Variants in ANO7 observed in about 807,000 individuals in gnomAD.
ANO7 encodes the protein anoctamin 7.
In ANO7, 114 loss-of-function variants were observed where a neutral mutation model predicts 115.8. The ratio of observed to expected loss-of-function variants is 0.98; its 90% CI spans 0.85 to 1.15. ANO7 has a LOEUF of 1.15. ANO7 is among the 50% of genes most tolerant of loss of function. ANO7 has a pLI of 0.00. For synonymous variants in ANO7, 550 were observed against 498.2 expected (o/e 1.10, Z -1.38); for missense variants, 1,302 against 1,201.2 (o/e 1.08, Z -1.24).
At chr2:241,220,619 G>A (rs924637077) in intron 21 of ANO7, among the ~76,000 whole-genome samples, 1 of 152,208 alleles carries the variant, frequency 6.6e-6, no homozygotes, top group South Asian at 2.1e-4. Context: ...GGTTAACACC[G>A]TGAAACCCCA....
chr2:241,196,155 T>C, intron 4 of ANO7: 7 of 1,312,560 alleles, frequency 5.3e-6, no homozygotes, highest in Non-Finnish European at 5.8e-6. Context: ...ATTAAAGCTT[T>C]TGGGTAGGCG....
At chr2:241,219,941 G>T (rs931624953) in intron 21 of ANO7, among the ~76,000 whole-genome samples, 1 of 152,074 alleles carries the variant, frequency 6.6e-6, no homozygotes, top group Non-Finnish European at 1.5e-5. Context: ...TCCTCTCTCT[G>T]TGTATGACTA....
intron 3 of ANO7, 76 bp from the exon 4 acceptor site, chr2:241,195,627 G>C: frequency 6.9e-7 from 1 of 1,459,414 alleles, no homozygotes; most frequent in Non-Finnish European, 9.4e-7. Flanking sequence ...GTCCCGGCTG[G>C]GATGCTGGCA....
At chr2:241,196,947 G>A (rs2068350989) in intron 4 of ANO7, among the ~76,000 whole-genome samples, 1 of 151,942 alleles carries the variant, frequency 6.6e-6, no homozygotes, top group Non-Finnish European at 1.5e-5. Flanking sequence ...TGTGCATATG[G>A]CCAACCACTC....
At position 241,200,896 on chromosome 2, in the gene ANO7, G is replaced by A. The variant is rs938993643; in HGVS notation, c.555-402G>A. Among the ~76,000 whole-genome samples the A allele has an allele frequency of 7.2e-5, 11 of 152,310 alleles. No individual in the cohort carries two copies. In the East Asian group the frequency reaches 1.4e-3, roughly 19 times the overall value. On this transcript the variant is annotated intron_variant, in intron 6 of 24. Coordinates refer to ENST00000674324, the MANE Select transcript of ANO7 (RefSeq NM_001370694.2). Reference sequence around the variant, plus strand: ...CCCAGTCACTGTCCGCACTGCCCACGAGCACCCTCGGCCCCATGACGGAGC... The same window carrying A: ...CCCAGTCACTGTCCGCACTGCCCACAAGCACCCTCGGCCCCATGACGGAGC...
Position 241,214,828 on chromosome 2 carries a change from C to T in ANO7, c.1752C>T (p.Ile584=), listed in dbSNP as rs200488021. 35 of 1,612,344 alleles carry T rather than the reference C, an allele frequency of 2.2e-5. No individual in the cohort carries two copies. Among genetic ancestry groups the T allele is most frequent in the Non-Finnish European group, 2.5e-5 (30 of 1,179,946 alleles). ...NEECAAGGCL[I]ELAQELLVIM... is the part of the protein sequence containing the mutation. ...AGTGCGCGGCTGGAGGCTGCCTGAT[C>T]GAGCTGGCACAGGAGCTCCTGGTCA... The change falls in exon 18 of 25, where the codon ATC becomes ATT. Residue 584 remains isoleucine, a synonymous_variant. Coordinates refer to ENST00000674324, the MANE Select transcript of ANO7 (RefSeq NM_001370694.2).
chr2:241,194,179 A>ATTT (rs59855055), intron 3 of ANO7, among the ~76,000 whole-genome samples: 41 of 123,972 alleles, frequency 3.3e-4, no homozygotes, highest in African/African-American at 9.6e-4. Flanking sequence ...CTGGCCTTTA[A>ATTT]TTTTTTTTTT....
chr2:241,191,144 G>A (rs773557332), intron 2 of ANO7, 50 bp from the exon 3 acceptor site: 46 of 1,608,332 alleles, frequency 2.9e-5, no homozygotes, highest in Admixed American at 1.3e-4. Flanking sequence ...TGTAGTTGTC[G>A]AGGGCAGATG....
chr2:241,203,422 G>A lies in ANO7; in HGVS notation c.813G>A (p.Lys271=), dbSNP rs763096414. 1.9e-6 allele frequency: 3 copies of A among 1,596,038 alleles called. No individual in the cohort carries two copies. Among genetic ancestry groups the A allele is most frequent in the African/African-American group, 2.7e-5 (2 of 73,910 alleles). The change falls in exon 9 of 25, where the codon AAG becomes AAA. Residue 271 remains lysine, a synonymous_variant. Transcript: ENST00000674324. This position sits in a 1 kb window ranked among gnomAD's most constrained non-coding sequence, Gnocchi z 4.8. ...VLFQHWARWG[K]WNKYQPLDHV... ...TCCAGCACTGGGCGCGCTGGGGCAA[G>A]TGGAACAAGTACCAGCCCCTGGACC...
intron 21 of ANO7, among the ~76,000 whole-genome samples, chr2:241,221,514 C>T (rs925412104): frequency 4.6e-5 from 7 of 151,652 alleles, no homozygotes; most frequent in South Asian, 2.1e-4. Flanking sequence ...GGATTACAGG[C>T]GTGCGCTACC....
In ANO7 at chr2:241,216,257, C is replaced by T. The variant is rs1170549529; in HGVS notation, c.1972+19C>T. 1.9e-6 allele frequency: 3 copies of T among 1,565,706 alleles called. No individual in the cohort carries two copies. The highest frequency in any genetic ancestry group is 2.6e-6 in the Non-Finnish European group (3 of 1,157,670). On this transcript the variant is annotated intron_variant, in intron 19 of 24. Coordinates refer to ENST00000674324, the MANE Select transcript of ANO7 (RefSeq NM_001370694.2). Reference sequence around the variant, plus strand: ...GAAATGGGTAGGAGCCCGTTAGCAGCTGCGGCAATGGCTGGCGCCGTGGGC... The same window carrying T: ...GAAATGGGTAGGAGCCCGTTAGCAGTTGCGGCAATGGCTGGCGCCGTGGGC...
intron 1 of ANO7, among the ~76,000 whole-genome samples, chr2:241,189,631 G>C (rs1341061949): frequency 6.6e-6 from 1 of 152,134 alleles, no homozygotes; most frequent in African/African-American, 2.4e-5. Context: ...AGCGAAGGCA[G>C]GCGACTTGAG....
intron 15 of ANO7, among the ~76,000 whole-genome samples, chr2:241,211,707 G>A (rs956717654): frequency 2.0e-5 from 3 of 151,998 alleles, no homozygotes; most frequent in Non-Finnish European, 4.4e-5. Flanking sequence ...GTTGCTGTGG[G>A]GTGTTGAGCC....
intron 21 of ANO7, 52 bp from the exon 22 acceptor site, chr2:241,223,134 C>A: frequency 6.5e-7 from 1 of 1,533,158 alleles, no homozygotes; most frequent in Admixed American, 1.7e-5. Flanking sequence ...AGGCACCTGC[C>A]CAGCCAACAC....
At chr2:241,234,032 C>T in the ANO7 span, 1 of 1,563,574 alleles carries the variant, frequency 6.4e-7, no homozygotes. Flanking sequence ...ATTCCCCTTC[C>T]ACCCTGGTCA....
In ANO7 at chr2:241,188,953, T is replaced by C. The variant is rs1215064960; in HGVS notation, c.-8+187T>C. Among the ~76,000 whole-genome samples, 1 of 152,180 alleles carries C rather than the reference T, an allele frequency of 6.6e-6. No individual in the cohort carries two copies. The highest frequency in any genetic ancestry group is 2.4e-5 in the African/African-American group (1 of 41,440). Reference sequence around the variant, plus strand: ...AGGAGGGACACACACTCAGTGCGGCTCTGGACGGGGTACACCCAGCTGGGG... The same window carrying C: ...AGGAGGGACACACACTCAGTGCGGCCCTGGACGGGGTACACCCAGCTGGGG... On this transcript the variant is annotated intron_variant, in intron 1 of 24. Transcript: ENST00000674324. The surrounding 1 kb of genome is among the most constrained non-coding windows in gnomAD (Gnocchi z 4.3).
At chr2:241,208,877 C>T (rs913645803) in intron 11 of ANO7, among the ~76,000 whole-genome samples, 34 of 152,266 alleles carry the variant, frequency 2.2e-4, no homozygotes, top group East Asian at 1.4e-3. Context: ...GGGCTGGGCA[C>T]GGTGGCTCAC....
In ANO7 at chr2:241,225,605, C is replaced by T. The variant is rs187798194; in HGVS notation, c.*1452C>T. Among the ~76,000 whole-genome samples the T allele has an allele frequency of 6.6e-6, 1 of 152,326 alleles. No homozygotes were observed. Among genetic ancestry groups the T allele is most frequent in the Non-Finnish European group, 1.5e-5 (1 of 68,022 alleles). The stretch of plus-strand genomic sequence containing the variant: ...GCCAAACTTACTCCACAGAAAAGGC[C>T]TCTTTCTGAACATCCTCGCCTGCGT... On this transcript the variant is annotated 3_prime_UTR_variant, in exon 25 of 25. Coordinates refer to ENST00000674324, the MANE Select transcript of ANO7 (RefSeq NM_001370694.2).
chr2:241,196,174 G>A (rs555043562), intron 4 of ANO7: 3 of 1,269,192 alleles, frequency 2.4e-6, no homozygotes, highest in East Asian at 6.8e-5. Flanking sequence ...CGTGTCATTT[G>A]TGTTTATGAC....
Sources: allele counts gnomAD v4.1 joint callset (sites outside exome capture counted in the v4.1 genomes callset), GRCh38; gene constraint gnomAD v4.1.1; non-coding constraint Gnocchi (gnomAD v3.1); transcripts MANE v1.5; gene names NCBI Gene and HGNC (gene_info 2026-07-23, HGNC 2026-07-21).